KCNIP1: variants seen among roughly 807,000 people sequenced by gnomAD.
The protein encoded by KCNIP1 is A-type potassium channel modulatory protein KCNIP1.
Under a neutral mutation model 33.0 loss-of-function variants are expected in KCNIP1, and 18 were observed. The observed-to-expected ratio is 0.55, with a 90% CI of 0.38 to 0.81. KCNIP1 has a LOEUF of 0.81. Ranked by LOEUF, KCNIP1 falls within the 30% of genes least tolerant of loss-of-function variation. The pLI is 0.00. For missense variants in KCNIP1, 238 were observed against 271.6 expected, an observed-to-expected ratio of 0.88 and a Z score of 0.87; for synonymous variants, 93 against 98.3, an observed-to-expected ratio of 0.95 and a Z score of 0.32.
intron 1 of KCNIP1, among the ~76,000 whole-genome samples, chr5:170,547,897 T>A (rs1032470552): frequency 6.6e-6 from 1 of 152,194 alleles, no homozygotes; most frequent in African/African-American, 2.4e-5. Flanking sequence ...AGTAGTGGGA[T>A]TTCTGGGTCG....
At chr5:170,506,538 C>T (rs552363490) in intron 1 of KCNIP1, among the ~76,000 whole-genome samples, 19 of 152,248 alleles carry the variant, frequency 1.2e-4, no homozygotes, top group African/African-American at 3.4e-4. Context: ...CCCCAAACAT[C>T]CAGGAATTCA....
intron 1 of KCNIP1, among the ~76,000 whole-genome samples, chr5:170,574,391 T>C (rs759424790): frequency 6.6e-6 from 1 of 152,100 alleles, no homozygotes; most frequent in South Asian, 2.1e-4. Context: ...GCAAAACAAG[T>C]CAGATAATTA....
Position 170,635,093 on chromosome 5 carries a change from G to A in KCNIP1, c.62-83665G>A, listed in dbSNP as rs148904079. ...CACCCAGGCTGGAGGGCAGTGGTGC[G>A]ATCTCCACTCACCGCAATCTCCGCC... On this transcript the variant is annotated intron_variant, in intron 1 of 7. Transcript: ENST00000328939. Among the ~76,000 whole-genome samples, 772 of 152,220 alleles carry A rather than the reference G, an allele frequency of 5.1e-3. 6 individuals are homozygous for A. The highest frequency in any genetic ancestry group is 5.5e-3 in the Non-Finnish European group (377 of 68,022).
chr5:170,500,449 C>T (rs988223701), upstream of KCNIP1, among the ~76,000 whole-genome samples: 24 of 152,236 alleles, frequency 1.6e-4, no homozygotes, highest in Non-Finnish European at 2.2e-4. Flanking sequence ...CTGGCAAGGT[C>T]GCTGTATTGA....
At chr5:170,547,513 T>G (rs1302745961) in intron 1 of KCNIP1, among the ~76,000 whole-genome samples, 5 of 152,212 alleles carry the variant, frequency 3.3e-5, no homozygotes, top group Non-Finnish European at 7.4e-5. Context: ...TTATTTTTCC[T>G]GATCCTCTCC....
rs577082218 is a variant in KCNIP1 at position 170,522,051 on chromosome 5, A to G, written c.61+17418A>G. Among the ~76,000 whole-genome samples the G allele has an allele frequency of 7.9e-4, 121 of 152,358 alleles. 1 individual carries two copies. Among genetic ancestry groups the G allele is most frequent in the African/African-American group, 2.8e-3 (117 of 41,586 alleles). Reference sequence around the variant, plus strand: ...ATGATATAGTATGGAGATCACAGCCAGGCCTGCCACCGGCAGCAATTCAGG... The same window carrying G: ...ATGATATAGTATGGAGATCACAGCCGGGCCTGCCACCGGCAGCAATTCAGG... On this transcript the variant is annotated intron_variant, in intron 1 of 7. Transcript: ENST00000328939.
At chr5:170,606,556 C>T (rs1758928369) in intron 1 of KCNIP1, among the ~76,000 whole-genome samples, 1 of 152,114 alleles carries the variant, frequency 6.6e-6, no homozygotes, top group East Asian at 1.9e-4. Context: ...ATGAGAGGAG[C>T]CTGGAGTCCC....
chr5:170,556,262 G>A (rs1025063122), intron 1 of KCNIP1, among the ~76,000 whole-genome samples: 3 of 152,180 alleles, frequency 2.0e-5, no homozygotes, highest in South Asian at 2.1e-4. Flanking sequence ...TGTCAAAATC[G>A]CTGTGCTAGA....
At position 170,733,917 on chromosome 5, in the gene KCNIP1, G is replaced by T. The variant is rs1764295720; in HGVS notation, c.603+19G>T. The T allele has an allele frequency of 6.2e-7, 1 of 1,605,202 alleles. No individual in the cohort carries two copies. The highest frequency in any genetic ancestry group is 1.3e-5 in the African/African-American group (1 of 74,684). ...TCAGGAGGTAAGGAGAGATCTCAGG[G>T]CACAATAACTCTACATCTGGGAAAG... On this transcript the variant is annotated intron_variant, in intron 7 of 7. Transcript: ENST00000328939.
chr5:170,697,442 T>C (rs1442004188), intron 1 of KCNIP1, among the ~76,000 whole-genome samples: 2 of 152,234 alleles, frequency 1.3e-5, no homozygotes, highest in African/African-American at 4.8e-5. Context: ...TGAATGACTC[T>C]TTAAGAGATC....
At chr5:170,714,828 GA>G (rs906612170) in intron 1 of KCNIP1, among the ~76,000 whole-genome samples, 6 of 151,150 alleles carry the variant, frequency 4.0e-5, no homozygotes, top group Admixed American at 6.6e-5. Context: ...CCAAAAGTTT[GA>G]AAAAAAACCA....
intron 1 of KCNIP1, among the ~76,000 whole-genome samples, chr5:170,700,593 T>A (rs1440755071): frequency 6.6e-6 from 1 of 152,096 alleles, no homozygotes; most frequent in Non-Finnish European, 1.5e-5. Context: ...TCATTTAATA[T>A]CTGTTGCCAC....
intron 1 of KCNIP1, among the ~76,000 whole-genome samples, chr5:170,692,754 GA>G: frequency 6.6e-6 from 1 of 152,278 alleles, no homozygotes; most frequent in Non-Finnish European, 1.5e-5. Context: ...TTCTCTTTCT[GA>G]AAATCTGAAT....
chr5:170,591,910 T>C (rs2113554347), intron 1 of KCNIP1, among the ~76,000 whole-genome samples: 1 of 152,382 alleles, frequency 6.6e-6, no homozygotes, highest in Non-Finnish European at 1.5e-5. Context: ...TACACATGGC[T>C]GTGCAAATAT....
At chr5:170,645,855 C>T (rs1470198957) in intron 1 of KCNIP1, among the ~76,000 whole-genome samples, 1 of 151,998 alleles carries the variant, frequency 6.6e-6, no homozygotes, top group East Asian at 1.9e-4. Context: ...GATTAAACAA[C>T]ACTCCTAAAT....
chr5:170,714,086 G>A (rs1322309052), intron 1 of KCNIP1, among the ~76,000 whole-genome samples: 1 of 152,066 alleles, frequency 6.6e-6, no homozygotes, highest in African/African-American at 2.4e-5. Context: ...CATGAGGGAG[G>A]CACTATTGGC....
intron 7 of KCNIP1, among the ~76,000 whole-genome samples, chr5:170,735,151 T>C (rs1265386188): frequency 2.6e-5 from 4 of 152,242 alleles, no homozygotes. Context: ...TTATCTACTT[T>C]ATTGATTTTT....
At chr5:170,366,063 C>G (rs1763650751) in intron 1 of KCNIP1, among the ~76,000 whole-genome samples, 1 of 152,154 alleles carries the variant, frequency 6.6e-6, no homozygotes, top group South Asian at 2.1e-4. Flanking sequence ...GAGATGTTTT[C>G]AACATACTCT....
intron 1 of KCNIP1, among the ~76,000 whole-genome samples, chr5:170,548,761 C>G (rs1270566101): frequency 6.6e-6 from 1 of 152,184 alleles, no homozygotes; most frequent in Non-Finnish European, 1.5e-5. Flanking sequence ...GTTTTACCTA[C>G]TGGGTTTCTA....
Sources: allele counts gnomAD v4.1 joint callset (sites outside exome capture counted in the v4.1 genomes callset), GRCh38; gene constraint gnomAD v4.1.1; transcripts MANE v1.5; gene names NCBI Gene and HGNC (gene_info 2026-07-23, HGNC 2026-07-21).